The following SLC35F4 variants were observed in gnomAD, a reference collection of about 807,000 sequenced individuals.
The protein encoded by SLC35F4 is solute carrier family 35 member F4, also known as chromosome 14 open reading frame 36.
SLC35F4 carries 24 observed loss-of-function variants against 44.2 expected under a neutral mutation model. The observed-to-expected ratio is 0.54, with a 90% CI of 0.39 to 0.76. The LOEUF (loss-of-function observed/expected upper bound fraction) is 0.76, where lower values mean the gene tolerates loss of function less well. SLC35F4 is among the 30% of genes least tolerant of loss of function. SLC35F4 has a pLI of 0.00. For missense variants in SLC35F4, 562 were observed against 586.1 expected (o/e 0.96, Z 0.42); for synonymous variants, 238 against 223.6 (o/e 1.06, Z -0.57).
At chr14:57,879,807 TA>T (rs779869786) in intron 1 of SLC35F4, among the ~76,000 whole-genome samples, 9 of 152,136 alleles carry the variant, frequency 5.9e-5, no homozygotes, top group Non-Finnish European at 1.2e-4. Flanking sequence ...TCTATCTTCC[TA>T]CTGGACAGTA....
chr14:57,688,513 A>G (rs2075132775), intron 1 of SLC35F4, among the ~76,000 whole-genome samples: 1 of 152,204 alleles, frequency 6.6e-6, no homozygotes, highest in African/African-American at 2.4e-5. Context: ...AGACAGGGAT[A>G]ATAACAGAAT....
At chr14:57,610,917 G>A (rs1282977313) in intron 1 of SLC35F4, among the ~76,000 whole-genome samples, 5 of 152,258 alleles carry the variant, frequency 3.3e-5, no homozygotes, top group Non-Finnish European at 5.9e-5. Flanking sequence ...CATATGGATA[G>A]AGCATGTGTA....
At chr14:57,833,378 A>C (rs535729909) in intron 1 of SLC35F4, among the ~76,000 whole-genome samples, 4 of 152,258 alleles carry the variant, frequency 2.6e-5, no homozygotes, top group Admixed American at 2.0e-4. Flanking sequence ...CAGGCTTTGC[A>C]CCCCCAGAGG....
intron 1 of SLC35F4, among the ~76,000 whole-genome samples, chr14:57,690,055 A>T (rs565926808): frequency 6.6e-6 from 1 of 152,196 alleles, no homozygotes; most frequent in East Asian, 1.9e-4. Flanking sequence ...ATGTTCTTTC[A>T]TACTTTCATC....
At chr14:57,910,409 C>T (rs959830417) in intron 1 of SLC35F4, among the ~76,000 whole-genome samples, 9 of 151,968 alleles carry the variant, frequency 5.9e-5, no homozygotes, top group African/African-American at 2.2e-4. Context: ...CCAATGTTGT[C>T]ATCTGGGAGT....
intron 4 of SLC35F4, among the ~76,000 whole-genome samples, chr14:57,578,238 A>G (rs1046865536): frequency 6.6e-5 from 10 of 150,812 alleles, no homozygotes; most frequent in African/African-American, 2.4e-4. Flanking sequence ...TTATAATCCA[A>G]CAAACATCTG....
chr14:57,689,320 T>C (rs1020222500), intron 1 of SLC35F4, among the ~76,000 whole-genome samples: 1 of 152,040 alleles, frequency 6.6e-6, no homozygotes, highest in Admixed American at 6.6e-5. Flanking sequence ...TCTTCTGGAG[T>C]CTATCCCACC....
At chr14:57,862,667 C>T (rs569397123) in intron 1 of SLC35F4, among the ~76,000 whole-genome samples, 1 of 152,364 alleles carries the variant, frequency 6.6e-6, no homozygotes, top group Non-Finnish European at 1.5e-5. Context: ...ATATGGCTAA[C>T]TCCCTCATAT....
chr14:57,965,163 G>T (rs1301751558), intron 1 of SLC35F4, among the ~76,000 whole-genome samples: 1 of 151,830 alleles, frequency 6.6e-6, no homozygotes, highest in Non-Finnish European at 1.5e-5. Context: ...GTCTGACAAG[G>T]GTCTCACTGG....
chr14:57,879,045 A>G (rs1338596572), intron 1 of SLC35F4, among the ~76,000 whole-genome samples: 2 of 152,156 alleles, frequency 1.3e-5, no homozygotes, highest in African/African-American at 4.8e-5. Context: ...TTTTCCTCAG[A>G]AAACAAGTCA....
chr14:57,946,523 G>C (rs1160906263), intron 1 of SLC35F4, among the ~76,000 whole-genome samples: 2 of 128,266 alleles, frequency 1.6e-5, no homozygotes, highest in East Asian at 4.6e-4. Flanking sequence ...CACCCAGGTT[G>C]GAGTGCAGTG....
intron 1 of SLC35F4, among the ~76,000 whole-genome samples, chr14:57,978,305 A>G (rs997921617): frequency 6.6e-6 from 1 of 152,222 alleles, no homozygotes; most frequent in African/African-American, 2.4e-5. Context: ...TCTACTCTGA[A>G]GACAGCTGTG....
chr14:57,872,838 T>C (rs1888323043), intron 1 of SLC35F4, among the ~76,000 whole-genome samples: 1 of 152,212 alleles, frequency 6.6e-6, no homozygotes, highest in Non-Finnish European at 1.5e-5. Context: ...TGCCCTCATA[T>C]GTATACACCA....
At chr14:57,592,588 G>A (rs142058095) in intron 2 of SLC35F4, among the ~76,000 whole-genome samples, 3,391 of 152,216 alleles carry the variant, frequency 0.022, 69 homozygotes, top group South Asian at 0.047. Flanking sequence ...TAGGAATATT[G>A]CAATTTATTA....
At chr14:57,622,803 AAAACTT>A (rs2072260406) in intron 1 of SLC35F4, among the ~76,000 whole-genome samples, 3 of 152,152 alleles carry the variant, frequency 2.0e-5, no homozygotes, top group African/African-American at 7.2e-5. Flanking sequence ...CATGTATCCT[AAAACTT>A]AAAGTATAAT....
At chr14:57,695,799 A>C (rs984042896) in intron 1 of SLC35F4, among the ~76,000 whole-genome samples, 7 of 152,230 alleles carry the variant, frequency 4.6e-5, no homozygotes, top group African/African-American at 1.7e-4. Context: ...AGACTGGATT[A>C]AGAAAATGTG....
chr14:57,666,830 C>T (rs1959169556), intron 1 of SLC35F4, among the ~76,000 whole-genome samples: 2 of 151,862 alleles, frequency 1.3e-5, no homozygotes, highest in African/African-American at 4.8e-5. Context: ...ACCTAGTAGG[C>T]ATGTGAAAAT....
chr14:57,573,096 A>G (rs556695380), intron 4 of SLC35F4, among the ~76,000 whole-genome samples: 2 of 141,812 alleles, frequency 1.4e-5, no homozygotes, highest in East Asian at 3.9e-4. Context: ...TTTTTAACAT[A>G]TGTGATTTTC....
At chr14:57,684,111 C>T (rs2074995168) in intron 1 of SLC35F4, among the ~76,000 whole-genome samples, 3 of 152,130 alleles carry the variant, frequency 2.0e-5, no homozygotes, top group Admixed American at 2.0e-4. Flanking sequence ...TTATTCTCTG[C>T]CTTCTAGGGG....
Sources: gnomAD v4.1 joint callset for allele counts (sites outside exome capture counted in the v4.1 genomes callset) on GRCh38, gnomAD v4.1.1 for gene constraint, MANE v1.5 for transcripts, NCBI Gene and HGNC (gene_info 2026-07-23, HGNC 2026-07-21) for gene names.